Variants in LRRTM4 observed in about 807,000 individuals in gnomAD.
LRRTM4 encodes leucine-rich repeat transmembrane neuronal protein 4.
Under a neutral mutation model 47.6 loss-of-function variants are expected in LRRTM4, and 25 were observed. The observed-to-expected ratio is 0.53, with a 90% confidence interval of 0.38 to 0.73. The LOEUF (loss-of-function observed/expected upper bound fraction) is 0.73, where lower values mean the gene tolerates loss of function less well. Ranked by LOEUF, LRRTM4 falls within the 30% of genes least tolerant of loss-of-function variation. The pLI, the probability that LRRTM4 is intolerant of heterozygous loss-of-function variation, is 0.00. For missense variants in LRRTM4, 638 were observed against 713.4 expected, an observed-to-expected ratio of 0.89 and a Z score of 1.20; for synonymous variants, 311 against 269.5, an observed-to-expected ratio of 1.15 and a Z score of -1.51.
At position 76,756,225 on chromosome 2, in the gene LRRTM4, A is replaced by G. The variant is rs141228073; in HGVS notation, c.1552-7309T>C. On this transcript the variant is annotated intron_variant, in intron 3 of 3. Transcript: ENST00000409884. Reference sequence around the variant, plus strand: ...TTTTATGAACTTCAAGTTTTTAGACATAGCTTTGTTCCTTCAATCATTTGC... The same window carrying G: ...TTTTATGAACTTCAAGTTTTTAGACGTAGCTTTGTTCCTTCAATCATTTGC... Among the ~76,000 whole-genome samples, 3 of 152,288 alleles carry G rather than the reference A, an allele frequency of 2.0e-5. No homozygotes were observed. The East Asian group carries it at 5.8e-4, about 29-fold the overall frequency.
chr2:77,245,478 A>G (rs1675415650), intron 3 of LRRTM4, among the ~76,000 whole-genome samples: 1 of 150,142 alleles, frequency 6.7e-6, no homozygotes, highest in African/African-American at 2.5e-5. Flanking sequence ...TGATAACATC[A>G]TGGCACTCCC....
Position 77,190,950 on chromosome 2 carries a change from G to C in LRRTM4, c.1551+327368C>G, listed in dbSNP as rs565415105. On this transcript the variant is annotated intron_variant, in intron 3 of 3. Transcript: ENST00000409884. ...GTTCCTAAAATGCTTTCTAAAGGAA[G>C]TTCTCTTTGTTATGCTACTGAGTTT... Among the ~76,000 whole-genome samples, 165 of 152,250 alleles carry C rather than the reference G, an allele frequency of 1.1e-3. 1 individual carries two copies. The highest frequency in any genetic ancestry group is 3.8e-3 in the African/African-American group (157 of 41,560).
chr2:77,313,239 G>C (rs541128248), intron 3 of LRRTM4, among the ~76,000 whole-genome samples: 1 of 150,984 alleles, frequency 6.6e-6, no homozygotes, highest in East Asian at 2.0e-4. Context: ...CTGGTGCTGG[G>C]ATGTGCCTCC....
chr2:77,038,482 T>A (rs1434395400), intron 3 of LRRTM4, among the ~76,000 whole-genome samples: 3 of 151,462 alleles, frequency 2.0e-5, no homozygotes, highest in Admixed American at 6.6e-5. Flanking sequence ...CTGTTCAGAG[T>A]CTATGAAGTA....
At chr2:77,085,453 AAGAC>A (rs962859225) in intron 3 of LRRTM4, among the ~76,000 whole-genome samples, 18 of 151,678 alleles carry the variant, frequency 1.2e-4, no homozygotes, top group African/African-American at 2.7e-4. Context: ...TTCTAAATAA[AAGAC>A]AGATTAACTT....
chr2:77,010,507 C>CACACAT (rs893807922), intron 3 of LRRTM4, among the ~76,000 whole-genome samples: 1 of 64,984 alleles, frequency 1.5e-5, no homozygotes, highest in Non-Finnish European at 2.8e-5. Flanking sequence ...TGTTTACACA[C>CACACAT]ACACACACAC....
rs1315078199 is a variant in LRRTM4 at position 77,519,787 on chromosome 2, T to A, written c.82A>T (p.Thr28Ser). ...LLPTLLLVML[T>S]GAQRACPKNC... Reference sequence around the variant, plus strand: ...TTTGGGCAAGCTCTCTGAGCACCCGTGAGCATAACAAGCAGCAGTGTAGGA... The same window carrying A: ...TTTGGGCAAGCTCTCTGAGCACCCGAGAGCATAACAAGCAGCAGTGTAGGA... Residue 28 changes from threonine (T) to serine (S), a missense_variant, in exon 3 of 4, where the codon ACG becomes TCG. Thr to Ser is a moderately conservative substitution (Grantham distance 58). Transcript: ENST00000409884. This position sits in a 1 kb window ranked among gnomAD's most constrained non-coding sequence, Gnocchi z 4.6. 6.2e-7 allele frequency: 1 copy of A among 1,613,118 alleles called. No homozygotes were observed. The highest frequency in any genetic ancestry group is 8.5e-7 in the Non-Finnish European group (1 of 1,179,478).
intron 3 of LRRTM4, among the ~76,000 whole-genome samples, chr2:76,897,525 A>C (rs1018015010): frequency 6.6e-6 from 1 of 152,146 alleles, no homozygotes; most frequent in Admixed American, 6.6e-5. Flanking sequence ...AATCTCTGGT[A>C]AACAGGCATA....
chr2:77,361,707 G>A (rs1672217322), intron 3 of LRRTM4, among the ~76,000 whole-genome samples: 1 of 152,160 alleles, frequency 6.6e-6, no homozygotes. Context: ...GGTGATGTAG[G>A]TTGAAGTCTG....
intron 3 of LRRTM4, among the ~76,000 whole-genome samples, chr2:76,891,513 A>G (rs1187276462): frequency 6.6e-6 from 1 of 151,770 alleles, no homozygotes; most frequent in African/African-American, 2.4e-5. Context: ...TTGTAATATC[A>G]TAGAAAAAGA....
At chr2:77,013,501 A>G (rs534656072) in intron 3 of LRRTM4, among the ~76,000 whole-genome samples, 70 of 111,028 alleles carry the variant, frequency 6.3e-4, no homozygotes, top group African/African-American at 3.0e-3. Context: ...AGTCTGAAAC[A>G]CTGTTAAAAA....
At chr2:76,821,126 G>GTT (rs1435796491) in intron 3 of LRRTM4, among the ~76,000 whole-genome samples, 8 of 151,686 alleles carry the variant, frequency 5.3e-5, no homozygotes, top group Non-Finnish European at 1.0e-4. Flanking sequence ...CTTTTGAGCA[G>GTT]TCTGTGACCA....
At chr2:77,029,790 T>C (rs552681042) in intron 3 of LRRTM4, among the ~76,000 whole-genome samples, 2 of 152,264 alleles carry the variant, frequency 1.3e-5, no homozygotes, top group African/African-American at 4.8e-5. Flanking sequence ...CAAAGATTTG[T>C]TTTGTAAAAA....
chr2:77,309,336 C>T (rs993612778), intron 3 of LRRTM4, among the ~76,000 whole-genome samples: 6 of 152,110 alleles, frequency 3.9e-5, no homozygotes, highest in Admixed American at 2.0e-4. Flanking sequence ...AAATAAACTT[C>T]GTTGACCTTC....
chr2:76,913,578 T>C, intron 3 of LRRTM4, among the ~76,000 whole-genome samples: 1 of 126,088 alleles, frequency 7.9e-6, no homozygotes. Flanking sequence ...CTTGCTCCAT[T>C]GCCCAGGCTG....
chr2:77,146,509 G>A (rs866189046), intron 3 of LRRTM4, among the ~76,000 whole-genome samples: 21 of 152,064 alleles, frequency 1.4e-4, no homozygotes, highest in African/African-American at 4.3e-4. Flanking sequence ...TGAAACTAAA[G>A]GTCTTGCTTC....
At chr2:77,289,229 T>A (rs1395846405) in intron 3 of LRRTM4, among the ~76,000 whole-genome samples, 1 of 152,026 alleles carries the variant, frequency 6.6e-6, no homozygotes, top group Non-Finnish European at 1.5e-5. Flanking sequence ...TTTATCCTTT[T>A]TTTTGTTACA....
intron 3 of LRRTM4, among the ~76,000 whole-genome samples, chr2:76,857,250 A>G (rs1486204169): frequency 1.3e-5 from 2 of 149,848 alleles, no homozygotes; most frequent in Non-Finnish European, 3.0e-5. Flanking sequence ...CTTGCTTATG[A>G]TTTTCTTAAT....
chr2:76,945,559 CAA>C (rs1675294620), intron 3 of LRRTM4, among the ~76,000 whole-genome samples: 1 of 151,980 alleles, frequency 6.6e-6, no homozygotes, highest in Admixed American at 6.6e-5. Flanking sequence ...CATTTGATTA[CAA>C]AGTCTTTTTA....
Sources: gnomAD v4.1 joint callset for allele counts (sites outside exome capture counted in the v4.1 genomes callset) on GRCh38, gnomAD v4.1.1 for gene constraint, Gnocchi (gnomAD v3.1) non-coding constraint, MANE v1.5 for transcripts, NCBI Gene and HGNC (gene_info 2026-07-23, HGNC 2026-07-21) for gene names.